The following INTS7 variants were observed in gnomAD, a reference collection of about 807,000 sequenced individuals.
The protein encoded by INTS7 is integrator complex subunit 7.
Under a neutral mutation model 109.2 loss-of-function variants are expected in INTS7, and 46 were observed. That is an observed-to-expected ratio of 0.42 (90% CI 0.33 to 0.54). The LOEUF (loss-of-function observed/expected upper bound fraction) is 0.54, where lower values mean the gene tolerates loss of function less well. INTS7 is among the 20% of genes least tolerant of loss of function. The pLI is 0.07. For missense variants in INTS7, 929 were observed against 1,132.4 expected (o/e 0.82, Z 2.58); for synonymous variants, 412 against 402.9 (o/e 1.02, Z -0.27).
At chr1:212,017,125 A>C (rs1358842392) in intron 3 of INTS7, 102 bp from the exon 4 acceptor site, 1 of 853,928 alleles carries the variant, frequency 1.2e-6, no homozygotes, top group Admixed American at 3.0e-5. Context: ...TAAAGTTTAT[A>C]GGTAATTCTA....
chr1:211,984,187 G>A (rs1161706342), intron 8 of INTS7, among the ~76,000 whole-genome samples: 1 of 152,100 alleles, frequency 6.6e-6, no homozygotes, highest in Non-Finnish European at 1.5e-5. Flanking sequence ...ACATTAGAAA[G>A]ATGAAACTAT....
chr1:212,003,302 A>T (rs1210394561), intron 7 of INTS7, among the ~76,000 whole-genome samples: 1 of 148,552 alleles, frequency 6.7e-6, no homozygotes, highest in East Asian at 1.9e-4. Context: ...AACAATTTTA[A>T]AGCAAAAAAA....
intron 5 of INTS7, among the ~76,000 whole-genome samples, 172 bp from the exon 6 acceptor site, chr1:212,007,621 C>G (rs1665986692): frequency 6.6e-6 from 1 of 152,010 alleles, no homozygotes; most frequent in African/African-American, 2.4e-5. Flanking sequence ...ATATTTTTTC[C>G]TAAGTATTTA....
intron 1 of INTS7, among the ~76,000 whole-genome samples, chr1:212,021,840 C>G (rs1025916472): frequency 2.0e-5 from 3 of 151,666 alleles, no homozygotes; most frequent in African/African-American, 4.8e-5. Flanking sequence ...AGTGCAAGAC[C>G]CCATCTCAAA....
intron 1 of INTS7, among the ~76,000 whole-genome samples, chr1:212,022,952 G>A (rs1666772357): frequency 6.6e-6 from 1 of 151,882 alleles, no homozygotes; most frequent in South Asian, 2.1e-4. Flanking sequence ...CTCTCTTTAT[G>A]TCCATGTGTA....
In INTS7 at chr1:211,961,086, G is replaced by A. The variant is rs367928092; in HGVS notation, c.2183+5344C>T. Among the ~76,000 whole-genome samples, 37 of 151,902 alleles carry A rather than the reference G, an allele frequency of 2.4e-4. No homozygotes were observed. In the South Asian group the frequency reaches 6.0e-3, roughly 25 times the overall value. On this transcript the variant is annotated intron_variant, in intron 16 of 19. Transcript: ENST00000366994. ...AAACCTCCGAGAAATATGGGATTATGTAAAGAAACCGAATCTACAACTCAC... is the reference window on the plus strand; with the variant it reads ...AAACCTCCGAGAAATATGGGATTATATAAAGAAACCGAATCTACAACTCAC...
At chr1:212,020,598 C>A (rs1406386882) in intron 2 of INTS7, 4 of 287,444 alleles carry the variant, frequency 1.4e-5, no homozygotes, top group Non-Finnish European at 2.2e-5. Context: ...TCCACAACTT[C>A]TTTTCTCCTT....
At chr1:212,032,483 CTTTT>C (rs922965045) in intron 1 of INTS7, among the ~76,000 whole-genome samples, 1 of 145,718 alleles carries the variant, frequency 6.9e-6, no homozygotes, top group Non-Finnish European at 1.5e-5. Flanking sequence ...GGTTATCTTT[CTTTT>C]TTTTTTTTCG....
chr1:211,989,359 TA>T (rs1665042507), intron 7 of INTS7, among the ~76,000 whole-genome samples: 1 of 150,130 alleles, frequency 6.7e-6, no homozygotes, highest in African/African-American at 2.5e-5. Context: ...AGTCATTTGG[TA>T]AAATAAAACT....
chr1:212,006,785 A>G (rs1382069633), intron 6 of INTS7, 24 bp from the exon 7 acceptor site: 6 of 1,570,764 alleles, frequency 3.8e-6, no homozygotes, highest in African/African-American at 2.7e-5. Flanking sequence ...AAGTCACTCC[A>G]TAAACAATAC....
At chr1:212,030,550 A>G (rs1346302716) in intron 1 of INTS7, among the ~76,000 whole-genome samples, 5 of 152,074 alleles carry the variant, frequency 3.3e-5, no homozygotes, top group African/African-American at 9.7e-5. Context: ...CGGCCTCCCA[A>G]AGTGCTGGGA....
intron 16 of INTS7, among the ~76,000 whole-genome samples, chr1:211,957,910 C>T (rs1663441980): frequency 6.6e-6 from 1 of 151,376 alleles, no homozygotes; most frequent in African/African-American, 2.4e-5. Context: ...AAATATTCAC[C>T]CTCAGTTTAT....
intron 16 of INTS7, among the ~76,000 whole-genome samples, chr1:211,956,046 A>G (rs756586983): frequency 2.0e-5 from 3 of 152,232 alleles, no homozygotes; most frequent in Non-Finnish European, 2.9e-5. Flanking sequence ...GTTTCCTGAT[A>G]GTTCATATAA....
intron 18 of INTS7, among the ~76,000 whole-genome samples, chr1:211,945,632 A>G (rs1662815530): frequency 1.3e-5 from 2 of 152,248 alleles, no homozygotes; most frequent in East Asian, 1.9e-4. Flanking sequence ...TAGATCGTCA[A>G]ATCTTCCTCA....
At position 211,946,443 on chromosome 1, in the gene INTS7, T is replaced by G. The variant is rs966654144; in HGVS notation, c.2415+164A>C. Among the ~76,000 whole-genome samples, 2 of 152,122 alleles carry G rather than the reference T, an allele frequency of 1.3e-5. No homozygotes were observed. Among genetic ancestry groups the G allele is most frequent in the African/African-American group, 4.8e-5 (2 of 41,408 alleles). On this transcript the variant is annotated intron_variant, in intron 18 of 19. Coordinates refer to ENST00000366994, the MANE Select transcript of INTS7 (RefSeq NM_015434.4). This position sits in a 1 kb window ranked among gnomAD's most constrained non-coding sequence, Gnocchi z 4.3. Reference sequence around the variant, plus strand: ...GTGAGCCAAAATCACACCACTGTACTCCAGCCCAGGCGACAGGGCGAGACT... The same window carrying G: ...GTGAGCCAAAATCACACCACTGTACGCCAGCCCAGGCGACAGGGCGAGACT...
chr1:211,953,968 T>C (rs891212087), intron 16 of INTS7, among the ~76,000 whole-genome samples: 3 of 152,210 alleles, frequency 2.0e-5, no homozygotes, highest in African/African-American at 4.8e-5. Flanking sequence ...CCCTGAGGAA[T>C]TGCCACACTG....
chr1:211,950,663 G>C (rs1571840626), intron 17 of INTS7, among the ~76,000 whole-genome samples: 1 of 152,216 alleles, frequency 6.6e-6, no homozygotes, highest in African/African-American at 2.4e-5. Flanking sequence ...AATCCTATGA[G>C]GCAGGTATGT....
In INTS7 at chr1:212,035,513, G is replaced by C. The variant is rs1368412598; in HGVS notation, c.-76C>G. 8.9e-7 allele frequency: 1 copy of C among 1,119,660 alleles called. No individual in the cohort carries two copies. Among genetic ancestry groups the C allele is most frequent in the African/African-American group, 1.5e-5 (1 of 65,518 alleles). 69.4% of individuals were successfully genotyped at this position (1,119,660 alleles called of 1,614,324 possible). On this transcript the variant is annotated 5_prime_UTR_variant, in exon 1 of 20. Transcript: ENST00000366994. ...CCCAGGACCGCCATCTTCCCCCGCC[G>C]CCTTCTTGCTGGTTTTTCTTCCGCG...
At chr1:211,965,561 T>C (rs1433957051) in intron 16 of INTS7, among the ~76,000 whole-genome samples, 1 of 152,184 alleles carries the variant, frequency 6.6e-6, no homozygotes, top group Non-Finnish European at 1.5e-5. Context: ...TGCCCATCGA[T>C]GGCAGACCAG....
Sources: allele counts gnomAD v4.1 joint callset (sites outside exome capture counted in the v4.1 genomes callset), GRCh38; gene constraint gnomAD v4.1.1; non-coding constraint Gnocchi (gnomAD v3.1); transcripts MANE v1.5; gene names NCBI Gene and HGNC (gene_info 2026-07-23, HGNC 2026-07-21).